CPA6: variants seen among roughly 807,000 people sequenced by gnomAD.
CPA6 encodes the protein carboxypeptidase A6.
CPA6 carries 58 observed loss-of-function variants against 63.3 expected under a neutral mutation model. The ratio of observed to expected loss-of-function variants is 0.92; its 90% CI spans 0.74 to 1.14. The LOEUF (loss-of-function observed/expected upper bound fraction) is 1.14, where lower values mean the gene tolerates loss of function less well. Ranked by LOEUF, CPA6 falls within the 50% of genes most tolerant of loss-of-function variation. The pLI, the probability that CPA6 is intolerant of heterozygous loss-of-function variation, is 0.00. For synonymous variants in CPA6, 185 were observed against 179.0 expected, an observed-to-expected ratio of 1.03 and a Z score of -0.27; for missense variants, 565 against 526.6, an observed-to-expected ratio of 1.07 and a Z score of -0.71.
rs562892045 is a variant in CPA6, at chr8:67,525,184, A to C, written c.193-7137T>G. Among the ~76,000 whole-genome samples the C allele has an allele frequency of 4.3e-4, 66 of 152,306 alleles. 1 individual carries two copies. The highest frequency in any genetic ancestry group is 4.1e-4 in the South Asian group (2 of 4,820). ...GTTGAAATTCTGGGACTAATTTTAC[A>C]TAGGCCCATCCTTTCTTTCCAACCA... is the stretch of plus-strand genomic sequence containing the variant. On this transcript the variant is annotated intron_variant, in intron 2 of 10. Coordinates refer to ENST00000297770, the MANE Select transcript of CPA6 (RefSeq NM_020361.5).
At chr8:67,522,436 A>C (rs556970619) in intron 2 of CPA6, among the ~76,000 whole-genome samples, 1 of 152,280 alleles carries the variant, frequency 6.6e-6, no homozygotes, top group Admixed American at 6.5e-5. Flanking sequence ...GAACTGTAAC[A>C]CATGCTCCTG....
intron 6 of CPA6, among the ~76,000 whole-genome samples, chr8:67,498,661 G>T (rs1371693877): frequency 2.0e-5 from 3 of 151,540 alleles, no homozygotes; most frequent in Non-Finnish European, 4.4e-5. Flanking sequence ...CAGCATGTCT[G>T]TGTTCATCTT....
At chr8:67,547,095 G>A (rs184048733) in intron 2 of CPA6, among the ~76,000 whole-genome samples, 15 of 152,236 alleles carry the variant, frequency 9.9e-5, no homozygotes, top group Admixed American at 9.2e-4. Flanking sequence ...CACCCAGGCT[G>A]GAGTGCAGTG....
At chr8:67,504,954 A>T (rs73264774) in intron 6 of CPA6, among the ~76,000 whole-genome samples, 12,169 of 152,144 alleles carry the variant, frequency 0.08, 1,199 homozygotes, top group African/African-American at 0.23. Context: ...AATGGAGCCT[A>T]ATCTCAATTG....
rs185716136 is a variant in CPA6 at position 67,602,593 on chromosome 8, C to T, written c.192+21583G>A. Among the ~76,000 whole-genome samples, 403 of 152,310 alleles carry T rather than the reference C, an allele frequency of 2.6e-3. 4 individuals carry two copies. The highest frequency in any genetic ancestry group is 0.024 in the Middle Eastern group (7 of 294). ...AAAGCTGATGTCTACTAAAAGGCTT[C>T]CTTCCTGTCCCTCATATCTCATCAA... On this transcript the variant is annotated intron_variant, in intron 2 of 10. Transcript: ENST00000297770.
chr8:67,457,011 TGAGG>T (rs940974205), intron 8 of CPA6, among the ~76,000 whole-genome samples: 5 of 152,266 alleles, frequency 3.3e-5, no homozygotes, highest in African/African-American at 1.2e-4. Context: ...AAGAGCTGCC[TGAGG>T]GAGTGTGGCC....
intron 1 of CPA6, among the ~76,000 whole-genome samples, chr8:67,653,002 T>G (rs1039988711): frequency 2.0e-5 from 3 of 152,198 alleles, no homozygotes; most frequent in African/African-American, 7.2e-5. Flanking sequence ...AAGGAATCCT[T>G]TCCCCATTGC....
intron 2 of CPA6, among the ~76,000 whole-genome samples, chr8:67,607,106 TTCCTCCTCCTCCTCC>T (rs1196391380): frequency 3.1e-4 from 24 of 77,782 alleles, no homozygotes; most frequent in Non-Finnish European, 4.8e-4. Flanking sequence ...TTCTTCTTCT[TTCCTCCTCCTCCTCC>T]TCCTCCTCCT....
intron 6 of CPA6, among the ~76,000 whole-genome samples, chr8:67,504,249 C>T (rs966883037): frequency 2.6e-5 from 4 of 152,150 alleles, no homozygotes; most frequent in Admixed American, 6.5e-5. Context: ...TTCACATTTG[C>T]ATAAGGATGT....
At chr8:67,491,150 T>A (rs554670786) in intron 6 of CPA6, among the ~76,000 whole-genome samples, 1 of 151,410 alleles carries the variant, frequency 6.6e-6, no homozygotes, top group Non-Finnish European at 1.5e-5. Context: ...AATGGGTGCA[T>A]CTCAACACAA....
chr8:67,725,895 A>T (rs1170130383), intron 1 of CPA6, among the ~76,000 whole-genome samples: 1 of 152,172 alleles, frequency 6.6e-6, no homozygotes, highest in African/African-American at 2.4e-5. Flanking sequence ...ATGAGATAAA[A>T]TAAATTTTAG....
chr8:67,506,688 G>C, intron 6 of CPA6, 99 bp downstream of exon 6: 1 of 751,430 alleles, frequency 1.3e-6, no homozygotes, highest in Non-Finnish European at 2.4e-6. Flanking sequence ...TATTCAATCA[G>C]GTATCATTGG....
chr8:67,517,822 A>C (rs918733660), intron 3 of CPA6, 101 bp downstream of exon 3: 1 of 1,262,092 alleles, frequency 7.9e-7, no homozygotes, highest in Non-Finnish European at 1.1e-6. Context: ...AATTGTACCC[A>C]AAACACTGTT....
intron 1 of CPA6, among the ~76,000 whole-genome samples, chr8:67,688,474 C>T (rs1176014372): frequency 6.6e-6 from 1 of 152,120 alleles, no homozygotes; most frequent in African/African-American, 2.4e-5. Flanking sequence ...CTCATTTACC[C>T]AAAATCGAAA....
chr8:67,547,516 T>C (rs1234777404), intron 2 of CPA6, among the ~76,000 whole-genome samples: 2 of 146,184 alleles, frequency 1.4e-5, no homozygotes, highest in Non-Finnish European at 3.0e-5. Flanking sequence ...TTTTTTTTTT[T>C]AGACAGGTTC....
intron 2 of CPA6, among the ~76,000 whole-genome samples, chr8:67,532,294 C>T (rs1042334739): frequency 4.6e-5 from 7 of 151,576 alleles, no homozygotes; most frequent in East Asian, 1.9e-4. Flanking sequence ...TTGAAATGAC[C>T]GATGTTAGCA....
intron 1 of CPA6, among the ~76,000 whole-genome samples, chr8:67,632,299 T>G (rs988624969): frequency 6.6e-6 from 1 of 151,904 alleles, no homozygotes; most frequent in African/African-American, 2.4e-5. Context: ...GCCTTCCAAG[T>G]AGCTGGGACT....
intron 1 of CPA6, among the ~76,000 whole-genome samples, chr8:67,678,483 A>C (rs773708501): frequency 6.6e-6 from 1 of 152,252 alleles, no homozygotes; most frequent in Non-Finnish European, 1.5e-5. Context: ...TGGGCATTTC[A>C]TGAAAAGAGA....
intron 2 of CPA6, among the ~76,000 whole-genome samples, chr8:67,536,701 C>T (rs1812592422): frequency 6.6e-6 from 1 of 152,140 alleles, no homozygotes; most frequent in Non-Finnish European, 1.5e-5. Context: ...TTTCTCTTGC[C>T]TGGTTGCCCT....
Sources: allele counts gnomAD v4.1 joint callset (sites outside exome capture counted in the v4.1 genomes callset), GRCh38; gene constraint gnomAD v4.1.1; transcripts MANE v1.5; gene names NCBI Gene and HGNC (gene_info 2026-07-23, HGNC 2026-07-21).